The following VPS13C variants were observed in gnomAD, a reference collection of about 807,000 sequenced individuals.
The protein encoded by VPS13C is intermembrane lipid transfer protein VPS13C.
VPS13C carries 358 observed loss-of-function variants against 456.8 expected under a neutral mutation model. That is an observed-to-expected ratio of 0.78 (90% confidence interval 0.72 to 0.86). VPS13C has a LOEUF of 0.86. VPS13C is among the 40% of genes least tolerant of loss of function. VPS13C has a pLI of 0.00. For synonymous variants in VPS13C, 1,578 were observed against 1,486.7 expected, an observed-to-expected ratio of 1.06 and a Z score of -1.41; for missense variants, 4,818 against 4,385.4, an observed-to-expected ratio of 1.10 and a Z score of -2.79.
At chr15:61,992,313 CTTGA>C (rs1045008202) in intron 16 of VPS13C, among the ~76,000 whole-genome samples, 1 of 152,142 alleles carries the variant, frequency 6.6e-6, no homozygotes, top group African/African-American at 2.4e-5. Context: ...CAAATCCTGA[CTTGA>C]TTTTCTATCA....
At chr15:62,028,785 A>G (rs1481658257) in intron 5 of VPS13C, among the ~76,000 whole-genome samples, 4 of 152,092 alleles carry the variant, frequency 2.6e-5, no homozygotes, top group African/African-American at 7.2e-5. Flanking sequence ...TTTTCAGAAT[A>G]TAATATTACT....
rs1355155148 is a variant in VPS13C, at chr15:61,854,421, G to GT, written c.*35dup. 3 of 1,567,034 alleles carry GT rather than the reference G, an allele frequency of 1.9e-6. No homozygotes were observed. Among genetic ancestry groups the GT allele is most frequent in the Non-Finnish European group, 2.6e-6 (3 of 1,137,250 alleles). ...TGACTTATAGACAAGACCAGTGATT[G>GT]TTTTTTCTCCCTGTTGGAGCCCCTG... On this transcript the variant is annotated 3_prime_UTR_variant, in exon 85 of 85. Transcript: ENST00000644861.
At chr15:61,986,569 G>T (rs2046062253) in intron 18 of VPS13C, among the ~76,000 whole-genome samples, 1 of 152,002 alleles carries the variant, frequency 6.6e-6, no homozygotes, top group Admixed American at 6.6e-5. Flanking sequence ...AAAAATGATG[G>T]GAAATAAAAC....
At chr15:62,033,689 T>A in intron 4 of VPS13C, 147 bp from the exon 5 acceptor site, 1 of 465,824 alleles carries the variant, frequency 2.1e-6, no homozygotes. Context: ...ACGAAACATT[T>A]AAACATAAAT....
intron 82 of VPS13C, among the ~76,000 whole-genome samples, chr15:61,862,411 C>T (rs1452756389): frequency 6.6e-6 from 1 of 152,008 alleles, no homozygotes; most frequent in Non-Finnish European, 1.5e-5. Context: ...CAAATAGGTA[C>T]TAAGTATTAC....
At chr15:61,883,138 T>C (rs1440598054) in intron 68 of VPS13C, among the ~76,000 whole-genome samples, 6 of 151,788 alleles carry the variant, frequency 4.0e-5, no homozygotes, top group Admixed American at 3.9e-4. Context: ...TACTCCTGCC[T>C]CAGCCTCCCA....
Position 61,909,037 on chromosome 15 carries a change from A to G in VPS13C, c.8933T>C (p.Leu2978Ser), listed in dbSNP as rs2043224574. 6.2e-7 allele frequency: 1 copy of G among 1,613,906 alleles called. No individual in the cohort carries two copies. Among genetic ancestry groups the G allele is most frequent in the Non-Finnish European group, 8.5e-7 (1 of 1,180,004 alleles). The part of the protein sequence containing the change: ...SDYHEGSAPA[L>S]IMNHTPWDIL... ...GTCCCATGGTGTATGGTTCATTATC[A>G]AGGCAGGTGCAGATCCCTCATGGTA... Residue 2978 changes from leucine (L) to serine (S), a missense_variant, in exon 65 of 85, where the codon TTG becomes TCG. Physicochemically the swap from Leu to Ser is moderately radical, Grantham distance 145. Coordinates refer to ENST00000644861, the MANE Select transcript of VPS13C (RefSeq NM_020821.3).
chr15:61,977,082 C>G lies in VPS13C; in HGVS notation c.2408G>C (p.Arg803Thr). ...AATATAAAAGAAGTTTATACATTAC[C>G]TGGCCATTCTAATGTCTTTTTCTAC... ...AMVEKDIRMARFKVSGGLPLM... is the reference protein window; with the variant it reads ...AMVEKDIRMATFKVSGGLPLM... Residue 803 changes from arginine to threonine, a missense_variant and splice_region_variant, in exon 24 of 85, where the codon AGA (arginine) becomes ACA (threonine). By Grantham distance (71) the Arg-to-Thr change is moderately conservative. Coordinates refer to ENST00000644861, the MANE Select transcript of VPS13C (RefSeq NM_020821.3). 1.3e-6 allele frequency: 2 copies of G among 1,587,352 alleles called. No homozygotes were observed. The highest frequency in any genetic ancestry group is 1.7e-6 in the Non-Finnish European group (2 of 1,163,708).
At chr15:61,859,811 T>A (rs1894126857) in intron 82 of VPS13C, among the ~76,000 whole-genome samples, 1 of 151,900 alleles carries the variant, frequency 6.6e-6, no homozygotes, top group African/African-American at 2.4e-5. Context: ...CATCTCTGTG[T>A]CCCTGTATTT....
Position 61,875,862 on chromosome 15 carries a change from A to G in VPS13C, c.10225-17T>C. On this transcript the variant is annotated splice_polypyrimidine_tract_variant and intron_variant, in intron 75 of 84. Coordinates refer to ENST00000644861, the MANE Select transcript of VPS13C (RefSeq NM_020821.3). ...TTTCAAGAACTAAAAAAGAAAAAAA[A>G]TTAAATTAAGTCCTTCACAACTATT... 6.7e-7 allele frequency: 1 copy of G among 1,502,494 alleles called. No homozygotes were observed. The highest frequency in any genetic ancestry group is 9.0e-7 in the Non-Finnish European group (1 of 1,109,944). 93.1% of individuals were successfully genotyped at this position (1,502,494 alleles called of 1,614,324 possible).
chr15:61,865,292 C>T (rs1894462209), intron 81 of VPS13C: 1 of 979,794 alleles, frequency 1.0e-6, no homozygotes, highest in African/African-American at 1.8e-5. Context: ...ATGTTTATTA[C>T]AGCATTATTA....
rs372533847 is a variant in VPS13C, at chr15:62,023,715, C to T, written c.514+65G>A. Reference sequence around the variant, plus strand: ...TGTTATCTGACATTCATTTCACATTCCAAATCAGAAATAAAGTGGCAATGT... The same window carrying T: ...TGTTATCTGACATTCATTTCACATTTCAAATCAGAAATAAAGTGGCAATGT... On this transcript the variant is annotated intron_variant, in intron 7 of 84. Transcript: ENST00000644861. 7 of 1,437,146 alleles carry T rather than the reference C, an allele frequency of 4.9e-6. No individual in the cohort carries two copies. The African/African-American group carries it at 1.0e-4, about 21-fold the overall frequency. 89.0% of individuals were successfully genotyped at this position (1,437,146 alleles called of 1,614,324 possible).
In VPS13C at chr15:61,878,647, T is replaced by C. The variant is rs762800065; in HGVS notation, c.10102A>G (p.Ile3368Val). ...TCCACATCAGTCAGAGTAGCACCTA[T>C]GCTTTTCAACAGCAAGTTGACAGAA... ...VHSVNLLLKS[I>V]GATLTDVDDL... The change falls in exon 74 of 85, where the codon ATA becomes GTA. Residue 3368 changes from isoleucine to valine, a missense_variant. By Grantham distance (29) the Ile-to-Val change is conservative (BLOSUM62 3). Around this residue, in one of 3 missense-constraint regions of VPS13C, gnomAD observed 4,552 missense variants for 4,130.6 expected, o/e 1.10. Coordinates refer to ENST00000644861, the MANE Select transcript of VPS13C (RefSeq NM_020821.3). 5 of 1,611,542 alleles carry C rather than the reference T, an allele frequency of 3.1e-6. No individual in the cohort carries two copies. The East Asian group carries it at 8.9e-5, about 29-fold the overall frequency.
Position 61,927,097 on chromosome 15 carries a change from A to G in VPS13C, c.6510T>C (p.Ile2170=), listed in dbSNP as rs775142285. 7 of 1,613,662 alleles carry G rather than the reference A, an allele frequency of 4.3e-6. No individual in the cohort carries two copies. The highest frequency in any genetic ancestry group is 2.7e-5 in the African/African-American group (2 of 74,914). The change falls in exon 52 of 85, where the codon ATT becomes ATC. Residue 2170 remains isoleucine (I), a synonymous_variant. Coordinates refer to ENST00000644861, the MANE Select transcript of VPS13C (RefSeq NM_020821.3). ...PFLREKRGKN[I]TTVLQPCSLF... ...GACACAAGGTAATTCTTACTGTGGT[A>G]ATGTTTTTCCCTCTCTTTTCTCTGA...
intron 1 of VPS13C, among the ~76,000 whole-genome samples, chr15:62,047,934 A>G (rs914154752): frequency 4.6e-5 from 7 of 152,256 alleles, no homozygotes; most frequent in African/African-American, 1.7e-4. Context: ...TCTACCTTAA[A>G]ACAACATAAT....
chr15:61,919,844 T>C (rs1489099465), intron 57 of VPS13C, among the ~76,000 whole-genome samples: 3 of 148,310 alleles, frequency 2.0e-5, no homozygotes, highest in African/African-American at 7.3e-5. Flanking sequence ...AATATATACA[T>C]TATTTAAGGG....
In VPS13C at chr15:61,917,378, C is replaced by T. The variant is rs751099128; in HGVS notation, c.8018G>A (p.Arg2673Gln). 1.9e-5 allele frequency: 31 copies of T among 1,613,574 alleles called. No individual in the cohort carries two copies. Among genetic ancestry groups the T allele is most frequent in the Admixed American group, 5.0e-5 (3 of 59,964 alleles). Residue 2673 changes from arginine (R) to glutamine (Q), a missense_variant, in exon 60 of 85, where the codon CGG (arginine) becomes CAG (glutamine). Transcript: ENST00000644861. Reference sequence around the variant, plus strand: ...TCTTAGGGAATATGGGAGAAGATTCCGCAAAGTGAGAGAAGGATAAAGATG... The same window carrying T: ...TCTTAGGGAATATGGGAGAAGATTCTGCAAAGTGAGAGAAGGATAAAGATG... ...IIHLYPSLTL[R>Q]NLLPYSLRYL... is the part of the protein sequence containing the mutation.
intron 66 of VPS13C, among the ~76,000 whole-genome samples, chr15:61,895,921 T>C (rs1024763392): frequency 1.3e-5 from 2 of 152,140 alleles, no homozygotes; most frequent in African/African-American, 4.8e-5. Context: ...CAGTTAACAA[T>C]ATTATTATAT....
intron 47 of VPS13C, among the ~76,000 whole-genome samples, chr15:61,938,360 T>C (rs2044298377): frequency 6.6e-6 from 1 of 152,114 alleles, no homozygotes; most frequent in African/African-American, 2.4e-5. Flanking sequence ...AAACAACCTG[T>C]AGGTATCACC....
Sources: allele counts gnomAD v4.1 joint callset (sites outside exome capture counted in the v4.1 genomes callset), GRCh38; gene constraint gnomAD v4.1.1; regional missense constraint gnomAD v4.1.1; transcripts MANE v1.5; gene names NCBI Gene and HGNC (gene_info 2026-07-23, HGNC 2026-07-21).